GPC3: variants seen among roughly 807,000 people sequenced by gnomAD.
GPC3 encodes the protein glypican-3.
GPC3 carries 3 observed loss-of-function variants against 34.4 expected under a neutral mutation model. The observed-to-expected ratio is 0.09, with a 90% CI of 0.04 to 0.23. The LOEUF (loss-of-function observed/expected upper bound fraction) is 0.23, where lower values mean the gene tolerates loss of function less well. Among genes scored for constraint, GPC3 ranks in the 10% least tolerant of loss-of-function variants. The pLI, the probability that GPC3 is intolerant of heterozygous loss-of-function variation, is 1.00. For missense variants in GPC3, 351 were observed against 445.6 expected (o/e 0.79, Z 1.91); for synonymous variants, 177 against 174.0 (o/e 1.02, Z -0.13).
chrX:133,775,226 G>GT (rs769430426), intron 2 of GPC3, among the ~76,000 whole-genome samples: 1,084 of 100,195 alleles, frequency 0.011, 9 homozygotes, highest in African/African-American at 0.026. Flanking sequence ...CTGCCAGCGT[G>GT]TTTTTTTTTT....
chrX:133,761,636 A>G (rs1235073050), intron 2 of GPC3, among the ~76,000 whole-genome samples: 1 of 112,019 alleles, frequency 8.9e-6, no homozygotes, highest in Non-Finnish European at 1.9e-5. Context: ...AAAGGCTATT[A>G]TAGATCAGAG....
At chrX:133,696,325 C>T (rs1251049666) in intron 4 of GPC3, among the ~76,000 whole-genome samples, 1 of 112,103 alleles carries the variant, frequency 8.9e-6, no homozygotes, top group African/African-American at 3.2e-5. Flanking sequence ...TGTCCTCTGA[C>T]ACTACAGCAG....
At chrX:133,776,596 T>C (rs1351836508) in intron 2 of GPC3, among the ~76,000 whole-genome samples, 2 of 111,791 alleles carry the variant, frequency 1.8e-5, no homozygotes, top group Non-Finnish European at 3.8e-5. Context: ...ATTTTCTGAG[T>C]CATTTGAGCT....
chrX:133,576,217 A>G (rs1350976229), intron 7 of GPC3, among the ~76,000 whole-genome samples: 1 of 111,338 alleles, frequency 9.0e-6, no homozygotes, highest in Non-Finnish European at 1.9e-5. Context: ...CTGGGCTCCA[A>G]TCCTAGCTCT....
At chrX:133,850,197 T>TTTTG (rs1244199551) in intron 2 of GPC3, among the ~76,000 whole-genome samples, 1 of 100,839 alleles carries the variant, frequency 9.9e-6, no homozygotes, top group African/African-American at 3.8e-5. Context: ...GGGTTTTGTT[T>TTTTG]TTTTTTTTTT....
intron 3 of GPC3, among the ~76,000 whole-genome samples, chrX:133,707,422 G>T (rs377129942): frequency 7.2e-5 from 8 of 111,555 alleles, no homozygotes; most frequent in East Asian, 2.8e-4. Context: ...TTTTGTAGGA[G>T]AATCCTGTCC....
chrX:133,677,301 C>G (rs2070894093), intron 5 of GPC3, among the ~76,000 whole-genome samples: 1 of 111,570 alleles, frequency 9.0e-6, no homozygotes, highest in South Asian at 3.8e-4. Flanking sequence ...TTTCGAATCA[C>G]TTTCACTTTG....
intron 2 of GPC3, among the ~76,000 whole-genome samples, chrX:133,855,683 A>G (rs1406698084): frequency 4.6e-5 from 5 of 109,679 alleles, no homozygotes; most frequent in Non-Finnish European, 9.5e-5. Context: ...ATTATTAACT[A>G]TAGTCCTTAT....
chrX:133,945,669 G>A (rs192521455), intron 2 of GPC3, among the ~76,000 whole-genome samples: 79 of 107,663 alleles, frequency 7.3e-4, no homozygotes, highest in African/African-American at 2.5e-3. Context: ...CAGGAGAATC[G>A]CTTGAACCCA....
At chrX:133,713,364 T>C (rs1284480258) in intron 3 of GPC3, among the ~76,000 whole-genome samples, 1 of 112,299 alleles carries the variant, frequency 8.9e-6, no homozygotes, top group Non-Finnish European at 1.9e-5. Context: ...ATAGTAGTCA[T>C]TGTAGTTTTC....
intron 2 of GPC3, among the ~76,000 whole-genome samples, chrX:133,834,076 CA>C (rs1184863815): frequency 8.9e-6 from 1 of 112,613 alleles, no homozygotes; most frequent in African/African-American, 3.2e-5. Flanking sequence ...ATCTTTTCAA[CA>C]GCTGCATAGT....
At chrX:133,647,781 T>C (rs948301815) in intron 6 of GPC3, among the ~76,000 whole-genome samples, 1 of 111,782 alleles carries the variant, frequency 8.9e-6, no homozygotes, top group East Asian at 2.8e-4. Flanking sequence ...TTGGTAATTT[T>C]TGAGACTTCA....
chrX:133,703,739 C>T lies in GPC3; in HGVS notation c.1033-3711G>A, dbSNP rs527346812. 4.3e-4 allele frequency among the ~76,000 whole-genome samples: 48 copies of T among 112,008 alleles called. No individual in the cohort carries two copies. The South Asian group carries it at 0.018, about 41-fold the overall frequency. The stretch of plus-strand genomic sequence containing the variant: ...CCTCCCAAAGTGCTGGGATTACAGG[C>T]GTGAGCCACCGCGCCCAGCCAGGAA... On this transcript the variant is annotated intron_variant, in intron 3 of 7. Coordinates refer to ENST00000370818, the MANE Select transcript of GPC3 (RefSeq NM_004484.4).
intron 2 of GPC3, among the ~76,000 whole-genome samples, chrX:133,907,138 A>T (rs1036011218): frequency 1.8e-5 from 2 of 111,233 alleles, no homozygotes; most frequent in Admixed American, 9.6e-5. Flanking sequence ...TATTCGTGAG[A>T]TTCCTTAACA....
intron 5 of GPC3, among the ~76,000 whole-genome samples, chrX:133,684,681 C>T (rs1200142642): frequency 9.0e-6 from 1 of 110,666 alleles, no homozygotes; most frequent in Non-Finnish European, 1.9e-5. Flanking sequence ...ATGCATACTG[C>T]CTTGGGCACT....
intron 1 of GPC3, among the ~76,000 whole-genome samples, chrX:133,977,507 T>C (rs1194740709): frequency 9.0e-6 from 1 of 111,677 alleles, no homozygotes; most frequent in Non-Finnish European, 1.9e-5. Flanking sequence ...CTCCTCCCTA[T>C]ATCTGTCACT....
chrX:133,676,795 T>C (rs145788781), intron 5 of GPC3, among the ~76,000 whole-genome samples: 1,526 of 112,082 alleles, frequency 0.014, 23 homozygotes, highest in African/African-American at 0.045. Flanking sequence ...CTCACAGCCA[T>C]GCACACAAGG....
At chrX:133,917,008 C>T (rs771307897) in intron 2 of GPC3, among the ~76,000 whole-genome samples, 1 of 111,923 alleles carries the variant, frequency 8.9e-6, no homozygotes, top group Admixed American at 9.5e-5. Context: ...TGGCAAATTC[C>T]TTAATCTCCC....
intron 5 of GPC3, among the ~76,000 whole-genome samples, chrX:133,663,541 G>A (rs968304239): frequency 1.8e-5 from 2 of 111,292 alleles, no homozygotes; most frequent in Admixed American, 1.9e-4. Flanking sequence ...CATGAGCCAC[G>A]GTGCCCAGCA....
Sources: allele counts gnomAD v4.1 joint callset (sites outside exome capture counted in the v4.1 genomes callset), GRCh38; gene constraint gnomAD v4.1.1; transcripts MANE v1.5; gene names NCBI Gene and HGNC (gene_info 2026-07-23, HGNC 2026-07-21).